The following CRX variants were observed in gnomAD, a reference collection of about 807,000 sequenced individuals.
The protein encoded by CRX is cone-rod homeobox protein.
CRX carries 5 observed loss-of-function variants against 13.1 expected under a neutral mutation model. That is an observed-to-expected ratio of 0.38 (90% CI 0.20 to 0.80). The LOEUF is 0.80. Among genes scored for constraint, CRX ranks in the 30% least tolerant of loss-of-function variants. The pLI, the probability that CRX is intolerant of heterozygous loss-of-function variation, is 0.43. For synonymous variants in CRX, 179 were observed against 171.1 expected, an observed-to-expected ratio of 1.05 and a Z score of -0.36; for missense variants, 351 against 391.8, an observed-to-expected ratio of 0.90 and a Z score of 0.88.
intron 2 of CRX, among the ~76,000 whole-genome samples, chr19:47,835,419 C>G: frequency 6.6e-6 from 1 of 151,306 alleles, no homozygotes; most frequent in East Asian, 1.9e-4. Flanking sequence ...CGGAGTTTCG[C>G]TCCTGCCCAG....
At position 47,839,989 on chromosome 19, in the gene CRX, T is replaced by A. The variant is rs1447629267; in HGVS notation, c.*22T>A. 1 of 1,611,092 alleles carries A rather than the reference T, an allele frequency of 6.2e-7. No individual in the cohort carries two copies. Among genetic ancestry groups the A allele is most frequent in the Non-Finnish European group, 8.5e-7 (1 of 1,179,756 alleles). ...GTAGAGGACGCAGTCTCCATCTCTC[T>A]CCATCGGGCCTCGGGACCCTTTCTC... On this transcript the variant is annotated 3_prime_UTR_variant, in exon 4 of 4. Coordinates refer to ENST00000221996, the MANE Select transcript of CRX (RefSeq NM_000554.6). The surrounding 1 kb of genome is among the most constrained non-coding windows in gnomAD (Gnocchi z 4.6).
chr19:47,827,536 G>C (rs1453650428), intron 1 of CRX, among the ~76,000 whole-genome samples: 6 of 108,842 alleles, frequency 5.5e-5, no homozygotes, highest in Admixed American at 3.9e-4. Flanking sequence ...CTTTCTGAAG[G>C]CTTTTTTTTT....
chr19:47,829,695 T>A (rs751108518), intron 1 of CRX, among the ~76,000 whole-genome samples: 4 of 151,962 alleles, frequency 2.6e-5, no homozygotes, highest in Non-Finnish European at 4.4e-5. Context: ...GGTGGCATGC[T>A]CATAGCTCAC....
chr19:47,824,172 G>A (rs1967946490), intron 1 of CRX, among the ~76,000 whole-genome samples: 1 of 152,242 alleles, frequency 6.6e-6, no homozygotes, highest in Non-Finnish European at 1.5e-5. Flanking sequence ...TGGGGGTGAA[G>A]AGCGGGGCTC....
chr19:47,825,616 A>G (rs1271600360), intron 1 of CRX, among the ~76,000 whole-genome samples: 2 of 152,028 alleles, frequency 1.3e-5, no homozygotes, highest in Non-Finnish European at 2.9e-5. Flanking sequence ...CCTCTCCCCT[A>G]TCCGTTAAAA....
chr19:47,827,836 TAAAAAA>T (rs1156465404), intron 1 of CRX, among the ~76,000 whole-genome samples: 2,541 of 40,850 alleles, frequency 0.062, 51 homozygotes, highest in Non-Finnish European at 0.077. Context: ...GCATCTTTAT[TAAAAAA>T]AAAAAAAAAA....
chr19:47,838,766 C>T lies in CRX; in HGVS notation c.253-554C>T, dbSNP rs573773389. Reference sequence around the variant, plus strand: ...AATATGTGTATGATGTATGTATGATCATATAGATGGGTAAATGCAGGCATG... The same window carrying T: ...AATATGTGTATGATGTATGTATGATTATATAGATGGGTAAATGCAGGCATG... On this transcript the variant is annotated intron_variant, in intron 3 of 3. Transcript: ENST00000221996. Among the ~76,000 whole-genome samples the T allele has an allele frequency of 1.2e-4, 18 of 151,422 alleles. 1 individual carries two copies. Among genetic ancestry groups the T allele is most frequent in the Non-Finnish European group, 2.4e-4 (16 of 67,862 alleles).
chr19:47,838,072 A>G (rs1968141298), intron 3 of CRX, among the ~76,000 whole-genome samples: 1 of 148,332 alleles, frequency 6.7e-6, no homozygotes, highest in South Asian at 2.1e-4. Flanking sequence ...ATATGATTAG[A>G]TAGATTAGTG....
In CRX at chr19:47,842,906, G is replaced by T. The variant is rs1409518225; in HGVS notation, c.*2939G>T. 6.6e-6 allele frequency: 1 copy of T among 152,352 alleles called. No homozygotes were observed. Among genetic ancestry groups the T allele is most frequent in the Non-Finnish European group, 1.5e-5 (1 of 68,110 alleles). The allele number at this position is 152,352 out of a possible 1,614,324, so 9.4% of individuals were successfully genotyped here. A position where few individuals can be genotyped will look rare whatever the true frequency, so the allele number is the denominator to read the frequency against. ...AGTCATAGAAACTTGATGGGAGTTG[G>T]GGAGGGACTGAAGGATGCATGCAAG... On this transcript the variant is annotated 3_prime_UTR_variant, in exon 4 of 4. Transcript: ENST00000221996.
Position 47,840,089 on chromosome 19 carries a change from C to T in CRX, c.*122C>T. On this transcript the variant is annotated 3_prime_UTR_variant, in exon 4 of 4. Coordinates refer to ENST00000221996, the MANE Select transcript of CRX (RefSeq NM_000554.6). ...AAAGCAACCCGAACCAGCTGTCCTT[C>T]TGACAGCTCGGTGTTCAGCTTACAG... 1 of 1,163,814 alleles carries T rather than the reference C, an allele frequency of 8.6e-7. No individual in the cohort carries two copies. The highest frequency in any genetic ancestry group is 1.3e-5 in the South Asian group (1 of 76,834). 72.1% of individuals were successfully genotyped at this position (1,163,814 alleles called of 1,614,324 possible).
chr19:47,828,901 C>T (rs1295026719), intron 1 of CRX, among the ~76,000 whole-genome samples: 1 of 68,796 alleles, frequency 1.5e-5, no homozygotes, highest in Non-Finnish European at 3.2e-5. Context: ...AGAACACACA[C>T]ACACACACAC....
chr19:47,837,600 T>C (rs1229935457), intron 3 of CRX, among the ~76,000 whole-genome samples: 11 of 152,112 alleles, frequency 7.2e-5, no homozygotes, highest in Non-Finnish European at 1.5e-5. Context: ...ATGATGTATG[T>C]GTGTATGATG....
intron 1 of CRX, among the ~76,000 whole-genome samples, chr19:47,832,451 C>T (rs547109057): frequency 1.3e-4 from 19 of 151,886 alleles, no homozygotes; most frequent in Non-Finnish European, 2.5e-4. Context: ...AGGAGAGTTT[C>T]GCTATGTTGC....
At chr19:47,831,497 T>C (rs557458847) in intron 1 of CRX, among the ~76,000 whole-genome samples, 1 of 152,130 alleles carries the variant, frequency 6.6e-6, no homozygotes, top group East Asian at 1.9e-4. Context: ...GTGAACCCTA[T>C]TGTGAACTGC....
chr19:47,828,365 A>C (rs1327411177), intron 1 of CRX, among the ~76,000 whole-genome samples: 1 of 152,046 alleles, frequency 6.6e-6, no homozygotes, highest in African/African-American at 2.4e-5. Flanking sequence ...TCCTCATGTG[A>C]GGGATGAGAA....
intron 1 of CRX, among the ~76,000 whole-genome samples, chr19:47,829,412 A>G (rs997354275): frequency 5.9e-4 from 90 of 151,772 alleles, no homozygotes; most frequent in Non-Finnish European, 1.3e-4. Flanking sequence ...GCTCACTGCA[A>G]CCTCTGCCTC....
At chr19:47,825,891 C>T (rs1967969616) in intron 1 of CRX, among the ~76,000 whole-genome samples, 1 of 151,532 alleles carries the variant, frequency 6.6e-6, no homozygotes, top group Non-Finnish European at 1.5e-5. Flanking sequence ...CACTGCACTC[C>T]AGCATGGGTG....
intron 3 of CRX, among the ~76,000 whole-genome samples, chr19:47,837,935 T>C (rs892947437): frequency 2.7e-5 from 4 of 146,002 alleles, no homozygotes; most frequent in African/African-American, 9.8e-5. Context: ...GTGTATGGTG[T>C]ATGTATGTAT....
rs1259301748 is a variant in CRX, at chr19:47,840,354, AG to A, written c.*393del. The A allele has an allele frequency of 1.3e-5, 3 of 239,172 alleles. No individual in the cohort carries two copies. The highest frequency in any genetic ancestry group is 5.1e-5 in the Admixed American group (1 of 19,538). 14.8% of individuals were successfully genotyped at this position (239,172 alleles called of 1,614,324 possible). On this transcript the variant is annotated 3_prime_UTR_variant, in exon 4 of 4. Coordinates refer to ENST00000221996, the MANE Select transcript of CRX (RefSeq NM_000554.6). Reference sequence around the variant, plus strand: ...TCACCGTGCCCTTGAACAAGCAGGTAGGGGGGCTTGATAACTTAACTTTCCA... The same window carrying A: ...TCACCGTGCCCTTGAACAAGCAGGTAGGGGGCTTGATAACTTAACTTTCCA...
Sources: gnomAD v4.1 joint callset for allele counts (sites outside exome capture counted in the v4.1 genomes callset) on GRCh38, gnomAD v4.1.1 for gene constraint, Gnocchi (gnomAD v3.1) non-coding constraint, MANE v1.5 for transcripts, NCBI Gene and HGNC (gene_info 2026-07-23, HGNC 2026-07-21) for gene names.